The following ANKS1B variants were observed in gnomAD, a reference collection of about 807,000 sequenced individuals.
ANKS1B encodes ankyrin repeat and sterile alpha motif domain-containing protein 1B.
Under a neutral mutation model 148.3 loss-of-function variants are expected in ANKS1B, and 36 were observed. The observed-to-expected ratio is 0.24, with a 90% CI of 0.19 to 0.32. ANKS1B has a LOEUF of 0.32. Ranked by LOEUF, ANKS1B falls within the 10% of genes least tolerant of loss-of-function variation. The pLI, the probability that ANKS1B is intolerant of heterozygous loss-of-function variation, is 1.00. For synonymous variants in ANKS1B, 542 were observed against 560.8 expected, an observed-to-expected ratio of 0.97 and a Z score of 0.47; for missense variants, 1,157 against 1,542.6, an observed-to-expected ratio of 0.75 and a Z score of 4.19.
intron 5 of ANKS1B, 77 bp from the exon 6 acceptor site, chr12:99,780,049 G>C (rs892129332): frequency 9.7e-6 from 10 of 1,033,652 alleles, no homozygotes; most frequent in Non-Finnish European, 1.3e-5. Flanking sequence ...TCTAACTGCT[G>C]TAATTTCAGA....
intron 10 of ANKS1B, among the ~76,000 whole-genome samples, chr12:99,456,736 T>A (rs2152839147): frequency 6.6e-6 from 1 of 152,194 alleles, no homozygotes; most frequent in South Asian, 2.1e-4. Flanking sequence ...AATTTTTTTT[T>A]TAAAATGAAC....
intron 12 of ANKS1B, among the ~76,000 whole-genome samples, chr12:99,252,232 A>G (rs2074695091): frequency 6.6e-6 from 1 of 152,230 alleles, no homozygotes; most frequent in Non-Finnish European, 1.5e-5. Context: ...AAGAACAGTA[A>G]GAAGGCCAGT....
intron 12 of ANKS1B, among the ~76,000 whole-genome samples, chr12:99,334,311 C>T (rs897749286): frequency 1.3e-5 from 2 of 152,116 alleles, no homozygotes; most frequent in Admixed American, 6.6e-5. Flanking sequence ...ACCCACCAGG[C>T]CTCGAGAATG....
At chr12:99,138,763 T>C (rs973058462) in intron 15 of ANKS1B, among the ~76,000 whole-genome samples, 6 of 152,168 alleles carry the variant, frequency 3.9e-5, no homozygotes, top group Admixed American at 3.3e-4. Flanking sequence ...TCTTTGTTCA[T>C]TGTTCCATTC....
intron 12 of ANKS1B, among the ~76,000 whole-genome samples, chr12:99,371,096 G>A (rs146863090): frequency 2.9e-3 from 448 of 152,112 alleles, no homozygotes; most frequent in Non-Finnish European, 5.0e-3. Flanking sequence ...AAAATCTGAA[G>A]GTAGATGAAG....
chr12:99,124,093 TTC>T (rs1457482724), intron 15 of ANKS1B, among the ~76,000 whole-genome samples: 5 of 152,008 alleles, frequency 3.3e-5, no homozygotes, highest in African/African-American at 4.8e-5. Context: ...GAATGCAGAG[TTC>T]TGAGTAAAGG....
chr12:99,481,478 T>C (rs1268665312), intron 10 of ANKS1B, among the ~76,000 whole-genome samples: 5 of 151,982 alleles, frequency 3.3e-5, no homozygotes, highest in Admixed American at 3.3e-4. Flanking sequence ...ATCTTTGCAA[T>C]TGTGAATTGT....
chr12:99,535,026 G>A (rs562782034), intron 9 of ANKS1B, among the ~76,000 whole-genome samples: 15 of 152,036 alleles, frequency 9.9e-5, no homozygotes, highest in South Asian at 4.1e-4. Flanking sequence ...AAAAATTAAC[G>A]TGATTTAGGA....
chr12:99,228,410 A>AATCT (rs3079446), intron 14 of ANKS1B, among the ~76,000 whole-genome samples: 3 of 151,232 alleles, frequency 2.0e-5, no homozygotes, highest in African/African-American at 7.3e-5. Context: ...AATATTTGTC[A>AATCT]ATCTATCTAT....
intron 17 of ANKS1B, among the ~76,000 whole-genome samples, chr12:98,907,371 C>T (rs2099780729): frequency 6.6e-6 from 1 of 152,186 alleles, no homozygotes; most frequent in Admixed American, 6.5e-5. Flanking sequence ...GGCTTGGAAC[C>T]TCAGCTTGAT....
intron 6 of ANKS1B, among the ~76,000 whole-genome samples, chr12:99,779,089 C>T: frequency 6.6e-6 from 1 of 152,182 alleles, no homozygotes. Context: ...AATCACCAAA[C>T]AGGAAGAGAA....
At chr12:99,161,054 T>C (rs936023817) in intron 14 of ANKS1B, among the ~76,000 whole-genome samples, 4 of 152,142 alleles carry the variant, frequency 2.6e-5, no homozygotes, top group African/African-American at 7.2e-5. Context: ...TTTAGAAAAG[T>C]TTTTTCTAGT....
At chr12:99,218,317 C>T (rs986491166) in intron 14 of ANKS1B, among the ~76,000 whole-genome samples, 3 of 152,106 alleles carry the variant, frequency 2.0e-5, no homozygotes, top group African/African-American at 7.2e-5. Flanking sequence ...TTTAATTTCC[C>T]TAGGTGTCTT....
rs562656903 is a variant in ANKS1B at position 99,427,830 on chromosome 12, A to C, written c.1575+15843T>G. On this transcript the variant is annotated intron_variant, in intron 11 of 26. Transcript: ENST00000683438. ...TGGTGCTTGGATCCTACCTAAAAGA[A>C]AGAACAGAAGTTAACCAGGTAGAGA... 4.6e-5 allele frequency among the ~76,000 whole-genome samples: 7 copies of C among 152,270 alleles called. No homozygotes were observed. In the South Asian group the frequency reaches 1.5e-3, roughly 32 times the overall value.
intron 15 of ANKS1B, among the ~76,000 whole-genome samples, chr12:99,135,430 A>G (rs1375284271): frequency 6.6e-6 from 1 of 152,206 alleles, no homozygotes; most frequent in African/African-American, 2.4e-5. Context: ...GTGGAACAGG[A>G]TGAAAAAGAC....
chr12:98,964,519 C>T (rs1430362274), intron 17 of ANKS1B, among the ~76,000 whole-genome samples: 2 of 152,176 alleles, frequency 1.3e-5, no homozygotes, highest in Non-Finnish European at 2.9e-5. Context: ...TTTGTTGCAG[C>T]ACTATTCACA....
At chr12:98,797,259 G>A (rs1213109624) in intron 22 of ANKS1B, among the ~76,000 whole-genome samples, 11 of 152,206 alleles carry the variant, frequency 7.2e-5, no homozygotes, top group Non-Finnish European at 1.6e-4. Context: ...AGAAAACAGA[G>A]GATCGGGGAA....
At chr12:99,730,960 G>C (rs542111896) in intron 8 of ANKS1B, among the ~76,000 whole-genome samples, 1 of 152,156 alleles carries the variant, frequency 6.6e-6, no homozygotes, top group South Asian at 2.1e-4. Flanking sequence ...TTTTGAGATA[G>C]AGTTTCCCTC....
intron 8 of ANKS1B, among the ~76,000 whole-genome samples, chr12:99,717,617 TCTGA>T (rs1442876055): frequency 1.3e-4 from 20 of 152,196 alleles, no homozygotes; most frequent in African/African-American, 3.1e-4. Context: ...CCCAAGGCTC[TCTGA>T]CTGACTCCTT....
Sources: gnomAD v4.1 joint callset for allele counts (sites outside exome capture counted in the v4.1 genomes callset) on GRCh38, gnomAD v4.1.1 for gene constraint, MANE v1.5 for transcripts, NCBI Gene and HGNC (gene_info 2026-07-23, HGNC 2026-07-21) for gene names.